The following XYLB variants were observed in gnomAD, a reference collection of about 807,000 sequenced individuals.
The protein encoded by XYLB is xylulokinase, also known as xylulose kinase.
Under a neutral mutation model 78.7 loss-of-function variants are expected in XYLB, and 62 were observed. That is an observed-to-expected ratio of 0.79 (90% CI 0.64 to 0.97). XYLB has a LOEUF of 0.97. XYLB is among the 50% of genes least tolerant of loss of function. The probability of loss-of-function intolerance (pLI) is 0.00; values close to 1 mark genes in which losing one functional copy is unlikely to be tolerated. For missense variants in XYLB, 687 were observed against 676.8 expected (o/e 1.02, Z -0.17); for synonymous variants, 245 against 247.4 (o/e 0.99, Z 0.09).
intron 11 of XYLB, 41 bp from the exon 12 acceptor site, chr3:38,375,103 G>A (rs1575489085): frequency 6.4e-7 from 1 of 1,557,000 alleles, no homozygotes; most frequent in Non-Finnish European, 8.8e-7. Context: ...AGCGTGTGTG[G>A]GCAAAGCCCA....
intron 13 of XYLB, 90 bp from the exon 14 acceptor site, chr3:38,376,828 G>T: frequency 1.9e-6 from 2 of 1,080,324 alleles, no homozygotes; most frequent in East Asian, 2.4e-5. Flanking sequence ...CAGGGATATG[G>T]GGTCATTTTG....
chr3:38,398,036 T>C (rs1017823775), intron 17 of XYLB, among the ~76,000 whole-genome samples: 8 of 151,382 alleles, frequency 5.3e-5, no homozygotes, highest in Non-Finnish European at 8.8e-5. Context: ...GCCAGGATGG[T>C]CTCGATCTCC....
the XYLB span, among the ~76,000 whole-genome samples, chr3:38,431,991 G>A: frequency 6.9e-4 from 105 of 152,176 alleles, 1 homozygote; most frequent in Admixed American, 3.9e-4. Context: ...CACAATGGAG[G>A]TACAGGCATT....
downstream of XYLB, among the ~76,000 whole-genome samples, chr3:38,416,612 G>T (rs1708803139): frequency 1.3e-5 from 2 of 151,696 alleles, no homozygotes; most frequent in Non-Finnish European, 2.9e-5. Context: ...ATTCAGGAGA[G>T]GCTAAAAAAA....
the XYLB span, among the ~76,000 whole-genome samples, chr3:38,427,743 C>T: frequency 1.3e-5 from 2 of 152,112 alleles, no homozygotes; most frequent in African/African-American, 4.8e-5. Context: ...CAGGCGCCCA[C>T]CACCACACCT....
chr3:38,446,114 AG>A, the XYLB span, among the ~76,000 whole-genome samples: 1 of 152,188 alleles, frequency 6.6e-6, no homozygotes, highest in African/African-American at 2.4e-5. Context: ...AGGAGACCCA[AG>A]TGGGTTGCTG....
At chr3:38,395,713 C>T (rs949738413) in intron 16 of XYLB, 150 bp downstream of exon 16, 2 of 787,404 alleles carry the variant, frequency 2.5e-6, no homozygotes, top group African/African-American at 3.5e-5. Context: ...GCTCTGTTGC[C>T]TTACAGCTCA....
At position 38,413,032 on chromosome 3, in the gene XYLB, C is replaced by G. The variant is rs762867277; in HGVS notation, c.*19C>G. 2 of 1,576,172 alleles carry G rather than the reference C, an allele frequency of 1.3e-6. No homozygotes were observed. Among genetic ancestry groups the G allele is most frequent in the Non-Finnish European group, 1.7e-6 (2 of 1,167,822 alleles). On this transcript the variant is annotated 3_prime_UTR_variant, in exon 19 of 19. Transcript: ENST00000207870. ...GGAGTGAACAGGCATCCCTGTTGCCCCTGCCTGCCCAGATTTACTGACCCC... is the reference window on the plus strand; with the variant it reads ...GGAGTGAACAGGCATCCCTGTTGCCGCTGCCTGCCCAGATTTACTGACCCC...
chr3:38,426,915 C>T, the XYLB span, among the ~76,000 whole-genome samples: 1 of 152,138 alleles, frequency 6.6e-6, no homozygotes, highest in African/African-American at 2.4e-5. Flanking sequence ...CCTGGCCCCG[C>T]CCGGAGCAAA....
At chr3:38,389,564 G>T (rs1304101874) in intron 15 of XYLB, among the ~76,000 whole-genome samples, 1 of 150,292 alleles carries the variant, frequency 6.7e-6, no homozygotes, top group African/African-American at 2.5e-5. Context: ...CGGGGCGGCT[G>T]GCCGGGCGGG....
chr3:38,433,243 T>A, the XYLB span, among the ~76,000 whole-genome samples: 1 of 152,210 alleles, frequency 6.6e-6, no homozygotes, highest in Non-Finnish European at 1.5e-5. Flanking sequence ...GCACCAAGTG[T>A]CTAGGCTGCA....
intron 15 of XYLB, among the ~76,000 whole-genome samples, chr3:38,388,737 G>A (rs1173303797): frequency 6.6e-6 from 1 of 151,990 alleles, no homozygotes; most frequent in Non-Finnish European, 1.5e-5. Context: ...TTGTCAGGGA[G>A]GTTTATTTTT....
chr3:38,375,251 A>T lies in XYLB; in HGVS notation c.996A>T (p.Ala332=). Residue 332 remains alanine (A), a synonymous_variant, in exon 12 of 19, where the codon GCA becomes GCT. Coordinates refer to ENST00000207870, the MANE Select transcript of XYLB (RefSeq NM_005108.4). ...CNPVDSQHYM[A]LLCFKNGSLM... Reference sequence around the variant, plus strand: ...CGGTTGACTCCCAGCACTACATGGCACTCCTGTGGTGAGCTTGGGTGTTGG... The same window carrying T: ...CGGTTGACTCCCAGCACTACATGGCTCTCCTGTGGTGAGCTTGGGTGTTGG... 6.2e-7 allele frequency: 1 copy of T among 1,613,664 alleles called. No individual in the cohort carries two copies. Among genetic ancestry groups the T allele is most frequent in the Non-Finnish European group, 8.5e-7 (1 of 1,179,860 alleles).
intron 15 of XYLB, among the ~76,000 whole-genome samples, chr3:38,383,980 C>G (rs1210878736): frequency 6.6e-6 from 1 of 152,070 alleles, no homozygotes; most frequent in African/African-American, 2.4e-5. Context: ...CTTTGTGGTG[C>G]TGCGTATGAT....
At chr3:38,390,526 T>C (rs1707604791) in intron 15 of XYLB, among the ~76,000 whole-genome samples, 1 of 152,112 alleles carries the variant, frequency 6.6e-6, no homozygotes, top group Admixed American at 6.5e-5. Flanking sequence ...TTATATTTTT[T>C]TGGAGACAAA....
chr3:38,379,055 C>T (rs889367541), intron 14 of XYLB, among the ~76,000 whole-genome samples, 191 bp from the exon 15 acceptor site: 1 of 151,842 alleles, frequency 6.6e-6, no homozygotes, highest in Admixed American at 6.6e-5. Context: ...GCATGTGAGG[C>T]TGTGAGCTTG....
rs2125558825 is a variant in XYLB, at chr3:38,355,841, C to T, written c.141-4498C>T. 5 of 702,320 alleles carry T rather than the reference C, an allele frequency of 7.1e-6. No homozygotes were observed. The East Asian group carries it at 1.3e-4, about 19-fold the overall frequency. 43.5% of individuals were successfully genotyped at this position (702,320 alleles called of 1,614,324 possible). ...AACTCCCCACTCCCCACTCATGTTCCTAACCACCTACTGATTGTGCTTTAC... is the reference window on the plus strand; with the variant it reads ...AACTCCCCACTCCCCACTCATGTTCTTAACCACCTACTGATTGTGCTTTAC... On this transcript the variant is annotated intron_variant, in intron 2 of 18. Coordinates refer to ENST00000207870, the MANE Select transcript of XYLB (RefSeq NM_005108.4).
downstream of XYLB, among the ~76,000 whole-genome samples, chr3:38,418,597 T>C (rs1001511545): frequency 6.6e-6 from 1 of 152,196 alleles, no homozygotes; most frequent in African/African-American, 2.4e-5. Context: ...TTATAATGCA[T>C]CCACACAATA....
the XYLB span, among the ~76,000 whole-genome samples, chr3:38,434,823 C>A: frequency 6.6e-6 from 1 of 152,214 alleles, no homozygotes; most frequent in African/African-American, 2.4e-5. Context: ...GGTTTAAATT[C>A]TTCACTAAAA....
Sources: gnomAD v4.1 joint callset for allele counts (sites outside exome capture counted in the v4.1 genomes callset) on GRCh38, gnomAD v4.1.1 for gene constraint, MANE v1.5 for transcripts, NCBI Gene and HGNC (gene_info 2026-07-23, HGNC 2026-07-21) for gene names.